TEX14: variants seen among roughly 807,000 people sequenced by gnomAD.
TEX14 encodes inactive serine/threonine-protein kinase TEX14.
Under a neutral mutation model 178.6 loss-of-function variants are expected in TEX14, and 168 were observed. The ratio of observed to expected loss-of-function variants is 0.94; its 90% confidence interval spans 0.83 to 1.07. The LOEUF (loss-of-function observed/expected upper bound fraction) is 1.07, where lower values mean the gene tolerates loss of function less well. Among genes scored for constraint, TEX14 ranks in the 50% least tolerant of loss-of-function variants. The probability of loss-of-function intolerance (pLI) is 0.00; values close to 1 mark genes in which losing one functional copy is unlikely to be tolerated. For missense variants in TEX14, 1,730 were observed against 1,753.6 expected (o/e 0.99, Z 0.24); for synonymous variants, 626 against 634.1 (o/e 0.99, Z 0.19).
chr17:58,561,370 G>T, intron 29 of TEX14, 150 bp downstream of exon 29: 1 of 621,708 alleles, frequency 1.6e-6, no homozygotes. Context: ...AGAGGAAGAG[G>T]GGCAAATATG....
intron 1 of TEX14, among the ~76,000 whole-genome samples, chr17:58,676,877 T>G (rs2047403747): frequency 6.6e-6 from 1 of 152,036 alleles, no homozygotes; most frequent in Non-Finnish European, 1.5e-5. Context: ...ACGCCTGTAA[T>G]CCCAGTACTT....
rs757489089 is a variant in TEX14 at position 58,569,200 on chromosome 17, T to A, written c.3878A>T (p.Asp1293Val). 1.9e-6 allele frequency: 3 copies of A among 1,613,778 alleles called. No homozygotes were observed. The highest frequency in any genetic ancestry group is 1.7e-6 in the Non-Finnish European group (2 of 1,179,674). Residue 1293 changes from aspartate to valine, a missense_variant, in exon 26 of 32, where the codon GAT becomes GTT. Transcript: ENST00000349033. This position sits in a 1 kb window ranked among gnomAD's most constrained non-coding sequence, Gnocchi z 4.1. ...TATTGAACATCTCTTACCAATGTCA[T>A]CAAGTAGCTCCTGAGATGGTGGTGG... ...ELPPPSQELL[D>V]DIELLKQQQG...
intron 10 of TEX14, among the ~76,000 whole-genome samples, chr17:58,607,794 T>C (rs2045644799): frequency 2.0e-5 from 3 of 152,186 alleles, no homozygotes; most frequent in Non-Finnish European, 4.4e-5. Flanking sequence ...CTCTGAACCA[T>C]TTTAAGTTTT....
chr17:58,581,554 G>T (rs1175386071), intron 19 of TEX14: 2 of 1,582,254 alleles, frequency 1.3e-6, no homozygotes, highest in East Asian at 2.2e-5. Context: ...CTCAATAAAA[G>T]AAATAAGGCA....
chr17:58,622,781 G>A lies in TEX14; in HGVS notation c.417+66C>T, dbSNP rs1598394619. ...CACTGTACGCTCTGTGCTGACCACT[G>A]GGAGCCTGACTCTCAGCCCAGTACT... On this transcript the variant is annotated intron_variant, in intron 4 of 31. Transcript: ENST00000349033. The A allele has an allele frequency of 4.7e-6, 7 of 1,492,318 alleles. No homozygotes were observed. In the East Asian group the frequency reaches 1.6e-4, roughly 34 times the overall value. 92.4% of individuals were successfully genotyped at this position (1,492,318 alleles called of 1,614,324 possible).
chr17:58,637,754 T>C (rs1319196444), intron 2 of TEX14, among the ~76,000 whole-genome samples: 1 of 152,096 alleles, frequency 6.6e-6, no homozygotes, highest in African/African-American at 2.4e-5. Context: ...TTTCCCTGAG[T>C]TCTATGAGCC....
chr17:58,682,219 G>T (rs1310620107), intron 1 of TEX14, among the ~76,000 whole-genome samples: 1 of 151,222 alleles, frequency 6.6e-6, no homozygotes, highest in South Asian at 2.1e-4. Context: ...AGACAGTTGG[G>T]ATTAGAGGCA....
At chr17:58,642,203 T>G (rs1316993727) in intron 2 of TEX14, among the ~76,000 whole-genome samples, 1 of 152,226 alleles carries the variant, frequency 6.6e-6, no homozygotes, top group African/African-American at 2.4e-5. Context: ...TTTAGTCACT[T>G]AACTTCCTGC....
intron 26 of TEX14, chr17:58,567,661 C>A (rs906014863): frequency 2.0e-5 from 3 of 152,172 alleles, no homozygotes; most frequent in Admixed American, 2.0e-4. Flanking sequence ...AGTAATCAGG[C>A]AGGCAAGCCC....
chr17:58,604,150 A>G (rs944911378), intron 11 of TEX14, among the ~76,000 whole-genome samples: 4 of 151,932 alleles, frequency 2.6e-5, no homozygotes, highest in African/African-American at 2.4e-5. Flanking sequence ...CACATAGATC[A>G]TAAGTACTGA....
At chr17:58,567,418 C>A (rs1216194512) in intron 26 of TEX14, among the ~76,000 whole-genome samples, 4 of 152,078 alleles carry the variant, frequency 2.6e-5, no homozygotes, top group Admixed American at 2.6e-4. Flanking sequence ...TCAAGGGTCC[C>A]CATAAGATCA....
At chr17:58,587,191 A>G (rs1319126563) in intron 17 of TEX14, among the ~76,000 whole-genome samples, 1 of 152,222 alleles carries the variant, frequency 6.6e-6, no homozygotes, top group Non-Finnish European at 1.5e-5. Flanking sequence ...GCTTACATCA[A>G]TTAGCCCATG....
intron 1 of TEX14, among the ~76,000 whole-genome samples, chr17:58,679,022 C>T (rs1434877472): frequency 1.3e-5 from 2 of 151,746 alleles, no homozygotes; most frequent in Non-Finnish European, 2.9e-5. Context: ...GGCGTGGTGG[C>T]GTGTGCCTGT....
chr17:58,572,647 A>G (rs2044563897), intron 23 of TEX14, among the ~76,000 whole-genome samples: 2 of 151,984 alleles, frequency 1.3e-5, no homozygotes, highest in Admixed American at 1.3e-4. Flanking sequence ...AAAAAAAAAA[A>G]AAAAATTACT....
chr17:58,599,620 C>A lies in TEX14; in HGVS notation c.1725G>T (p.Gly575=). The change falls in exon 14 of 32, where the codon GGG becomes GGT. Residue 575 remains glycine, a synonymous_variant. Transcript: ENST00000349033. ...SPRVHSLFTE[G]TLDPQAPDPC... ...GATCTGGGGCCTGAGGATCTAGTGT[C>A]CCCTCAGTGAATAAAGAGTGAACCC... 1.9e-6 allele frequency: 3 copies of A among 1,613,714 alleles called. No individual in the cohort carries two copies. In the South Asian group the frequency reaches 3.3e-5, roughly 18 times the overall value.
intron 2 of TEX14, chr17:58,631,634 A>AC (rs1181757231): frequency 7.3e-5 from 11 of 151,700 alleles, no homozygotes; most frequent in African/African-American, 2.2e-4. Context: ...AAAAAAAAAA[A>AC]CCCAGAACTA....
At chr17:58,658,150 G>C (rs1016070764) in intron 1 of TEX14, among the ~76,000 whole-genome samples, 4 of 152,132 alleles carry the variant, frequency 2.6e-5, no homozygotes, top group African/African-American at 9.7e-5. Flanking sequence ...TCAGTTCCTC[G>C]AATGCTCCAC....
chr17:58,609,254 C>T (rs868459328), intron 10 of TEX14, among the ~76,000 whole-genome samples: 6 of 152,306 alleles, frequency 3.9e-5, no homozygotes, highest in Middle Eastern at 3.4e-3. Context: ...GGACTACAGG[C>T]GCCTGCCACC....
In TEX14 at chr17:58,577,472, TAA is replaced by T. The variant is rs1280457128; in HGVS notation, c.3239-18_3239-17del. ...TTTTCCTCACCTGAAAGAATAAAGT[TAA>T]AAATATATATATATATTTTTTTTTA... On this transcript the variant is annotated splice_polypyrimidine_tract_variant and intron_variant, in intron 20 of 31. Transcript: ENST00000349033. 1 of 1,017,104 alleles carries T rather than the reference TAA, an allele frequency of 9.8e-7. No individual in the cohort carries two copies. Among genetic ancestry groups the T allele is most frequent in the Non-Finnish European group, 1.4e-6 (1 of 727,200 alleles). 63.0% of individuals were successfully genotyped at this position (1,017,104 alleles called of 1,614,324 possible).
Sources: gnomAD v4.1 joint callset for allele counts (sites outside exome capture counted in the v4.1 genomes callset) on GRCh38, gnomAD v4.1.1 for gene constraint, Gnocchi (gnomAD v3.1) non-coding constraint, MANE v1.5 for transcripts, NCBI Gene and HGNC (gene_info 2026-07-23, HGNC 2026-07-21) for gene names.